Variants in SMOC1 observed in about 807,000 individuals in gnomAD.
The protein encoded by SMOC1 is SPARC-related modular calcium-binding protein 1.
Under a neutral mutation model 56.3 loss-of-function variants are expected in SMOC1, and 22 were observed. That is an observed-to-expected ratio of 0.39 (90% CI 0.28 to 0.56). The LOEUF (loss-of-function observed/expected upper bound fraction) is 0.56. SMOC1 is among the 20% of genes least tolerant of loss of function. The probability of loss-of-function intolerance (pLI) is 0.61; values close to 1 mark genes in which losing one functional copy is unlikely to be tolerated. For synonymous variants in SMOC1, 193 were observed against 215.0 expected, an observed-to-expected ratio of 0.90 and a Z score of 0.89; for missense variants, 509 against 565.4, an observed-to-expected ratio of 0.90 and a Z score of 1.01.
intron 7 of SMOC1, among the ~76,000 whole-genome samples, chr14:70,003,901 C>A (rs1885059968): frequency 6.6e-6 from 1 of 152,148 alleles, no homozygotes; most frequent in Admixed American, 6.5e-5. Flanking sequence ...TGCCAGCACC[C>A]AGTACATATA....
At chr14:69,898,927 G>A (rs1385648875) in intron 1 of SMOC1, among the ~76,000 whole-genome samples, 2 of 152,006 alleles carry the variant, frequency 1.3e-5, no homozygotes, top group South Asian at 2.1e-4. Flanking sequence ...TTAGTGATGT[G>A]GTGGTAAGAT....
chr14:69,939,891 G>A (rs960480418), intron 1 of SMOC1, among the ~76,000 whole-genome samples: 10 of 152,150 alleles, frequency 6.6e-5, no homozygotes, highest in Non-Finnish European at 1.5e-4. Flanking sequence ...AGGTCCAGGT[G>A]AGTGGGACTA....
chr14:69,987,049 A>G lies in SMOC1; in HGVS notation c.527-5368A>G, dbSNP rs899457952. 4.5e-4 allele frequency among the ~76,000 whole-genome samples: 69 copies of G among 152,298 alleles called. 1 individual carries two copies. Among genetic ancestry groups the G allele is most frequent in the African/African-American group, 1.6e-3 (68 of 41,566 alleles). On this transcript the variant is annotated intron_variant, in intron 5 of 11. Coordinates refer to ENST00000361956, the MANE Select transcript of SMOC1 (RefSeq NM_001034852.3). ...GGCAGGCTCTTAAGGGACTTTTGCAAACAGACACTGTTGTCTCCTTACGAT... is the reference window on the plus strand; with the variant it reads ...GGCAGGCTCTTAAGGGACTTTTGCAGACAGACACTGTTGTCTCCTTACGAT...
intron 1 of SMOC1, among the ~76,000 whole-genome samples, chr14:69,890,096 C>T (rs1277020327): frequency 6.6e-6 from 1 of 152,166 alleles, no homozygotes; most frequent in African/African-American, 2.4e-5. Flanking sequence ...CATTAAGGGC[C>T]TGGTACAGTG....
At chr14:69,998,665 C>G (rs1884861757) in intron 7 of SMOC1, among the ~76,000 whole-genome samples, 1 of 152,136 alleles carries the variant, frequency 6.6e-6, no homozygotes. Context: ...AACTTCCACC[C>G]TTTCTCTTCT....
chr14:70,024,988 A>C (rs1222984197), intron 11 of SMOC1, among the ~76,000 whole-genome samples: 1 of 152,010 alleles, frequency 6.6e-6, no homozygotes, highest in East Asian at 1.9e-4. Context: ...GAATGGAGAG[A>C]AGTGGGTGAT....
intron 1 of SMOC1, among the ~76,000 whole-genome samples, chr14:69,895,161 G>A (rs913801304): frequency 6.6e-5 from 10 of 152,232 alleles, no homozygotes; most frequent in Non-Finnish European, 1.3e-4. Flanking sequence ...CCAATTTCCA[G>A]TGGTTGGGAA....
At chr14:69,885,646 C>G in intron 1 of SMOC1, 1 of 1,451,310 alleles carries the variant, frequency 6.9e-7, no homozygotes, top group East Asian at 2.3e-5. Flanking sequence ...AGACAACCAG[C>G]TCGATGGGAT....
At chr14:69,984,411 CT>C (rs1884287233) in intron 5 of SMOC1, among the ~76,000 whole-genome samples, 1 of 152,160 alleles carries the variant, frequency 6.6e-6, no homozygotes, top group African/African-American at 2.4e-5. Flanking sequence ...AAAATTTGCT[CT>C]GCAAAAAGTG....
chr14:69,996,313 T>C (rs1040546527), intron 7 of SMOC1, among the ~76,000 whole-genome samples: 2 of 152,230 alleles, frequency 1.3e-5, no homozygotes, highest in African/African-American at 4.8e-5. Flanking sequence ...AGCTTCCCCA[T>C]AACCCTATGA....
At position 70,030,257 on chromosome 14, in the gene SMOC1, A is replaced by G; in HGVS notation, c.1307A>G (p.Ter436=). 1.2e-6 allele frequency: 2 copies of G among 1,607,810 alleles called. No individual in the cohort carries two copies. Among genetic ancestry groups the G allele is most frequent in the South Asian group, 1.1e-5 (1 of 90,922 alleles). Residue 436 remains the stop codon, a stop_retained_variant, in exon 12 of 12, where the codon TAA becomes TGA. Transcript: ENST00000361956. ...GVSKEVGRLV[*] Reference sequence around the variant, plus strand: ...CTTCTCTCAGTAGGACGCCTCGTCTAAGGAGCAGAAAACCCAAGGGCAGGT... The same window carrying G: ...CTTCTCTCAGTAGGACGCCTCGTCTGAGGAGCAGAAAACCCAAGGGCAGGT...
chr14:69,937,629 G>T (rs1282429498), intron 1 of SMOC1, among the ~76,000 whole-genome samples: 1 of 152,188 alleles, frequency 6.6e-6, no homozygotes, highest in African/African-American at 2.4e-5. Flanking sequence ...TCTGAGCGAC[G>T]CAGTGGGGAT....
At chr14:69,994,327 A>T in intron 6 of SMOC1, 73 bp from the exon 7 acceptor site, 1 of 1,157,326 alleles carries the variant, frequency 8.6e-7, no homozygotes, top group South Asian at 1.2e-5. Context: ...ACTATTAAGA[A>T]GTCTGAGGTT....
intron 1 of SMOC1, among the ~76,000 whole-genome samples, chr14:69,938,953 GGT>G (rs1354732549): frequency 2.6e-5 from 4 of 152,144 alleles, no homozygotes; most frequent in Non-Finnish European, 5.9e-5. Flanking sequence ...TCAGTGTGAG[GGT>G]GTGTGCACGC....
intron 1 of SMOC1, chr14:69,886,285 C>T: frequency 3.3e-6 from 2 of 608,228 alleles, no homozygotes; most frequent in Non-Finnish European, 2.9e-6. Context: ...GGCCCTTTAG[C>T]ATTTCATGCA....
At chr14:70,017,778 C>G (rs752861433) in intron 10 of SMOC1, among the ~76,000 whole-genome samples, 1 of 152,168 alleles carries the variant, frequency 6.6e-6, no homozygotes, top group Admixed American at 6.5e-5. Context: ...AGATACAGAA[C>G]AACCATATGA....
intron 1 of SMOC1, among the ~76,000 whole-genome samples, chr14:69,939,500 C>A (rs1457427025): frequency 6.6e-6 from 1 of 152,178 alleles, no homozygotes; most frequent in Non-Finnish European, 1.5e-5. Flanking sequence ...GTCACTAAGA[C>A]ATTTTGTCTC....
chr14:69,880,820 C>T lies in SMOC1; in HGVS notation c.99+1043C>T, dbSNP rs1259431863. ...TTCTTGAACATCCTTGGGCCTGGCC[C>T]TTTACCACCTGTTCAGATTGCAGGT... On this transcript the variant is annotated intron_variant, in intron 1 of 11. Coordinates refer to ENST00000361956, the MANE Select transcript of SMOC1 (RefSeq NM_001034852.3). Among the ~76,000 whole-genome samples the T allele has an allele frequency of 7.2e-5, 11 of 152,234 alleles. 1 individual carries two copies. Among genetic ancestry groups the T allele is most frequent in the Non-Finnish European group, 1.5e-4 (10 of 68,040 alleles).
intron 4 of SMOC1, among the ~76,000 whole-genome samples, chr14:69,976,988 A>G (rs978063917): frequency 7.9e-5 from 12 of 152,174 alleles, no homozygotes; most frequent in African/African-American, 2.7e-4. Flanking sequence ...GAAACTAGAA[A>G]CCTTAATTGG....
Sources: allele counts gnomAD v4.1 joint callset (sites outside exome capture counted in the v4.1 genomes callset), GRCh38; gene constraint gnomAD v4.1.1; transcripts MANE v1.5; gene names NCBI Gene and HGNC (gene_info 2026-07-23, HGNC 2026-07-21).